Variants in TUBGCP6 observed in about 807,000 individuals in gnomAD.
TUBGCP6 encodes gamma-tubulin complex component 6.
TUBGCP6 carries 161 observed loss-of-function variants against 175.8 expected under a neutral mutation model. The observed-to-expected ratio is 0.92, with a 90% CI of 0.81 to 1.04. TUBGCP6 has a LOEUF of 1.04. Ranked by LOEUF, TUBGCP6 falls within the 50% of genes least tolerant of loss-of-function variation. The pLI is 0.00. For missense variants in TUBGCP6, 2,572 were observed against 2,433.0 expected (o/e 1.06, Z -1.20); for synonymous variants, 1,173 against 1,030.5 (o/e 1.14, Z -2.65).
rs34718948 is a variant in TUBGCP6, at chr22:50,240,272, G to A, written c.837C>T (p.Asp279=). The A allele has an allele frequency of 7.1e-4, 1,148 of 1,613,996 alleles. 10 individuals carry two copies. The African/African-American group carries it at 0.014, about 19-fold the overall frequency. The part of the protein sequence containing the change: ...DSQSEPSVTP[D]VDLWEAALTY... ...TAAGTGCGGCTTCCCACAGGTCCAC[G>A]TCTGGGGTCACGCTGGGCTCAGACT... is the stretch of plus-strand genomic sequence containing the variant. Residue 279 remains aspartate (D), a synonymous_variant, in exon 2 of 25, where the codon GAC becomes GAT. Coordinates refer to ENST00000248846, the MANE Select transcript of TUBGCP6 (RefSeq NM_020461.4).
rs778198550 is a variant in TUBGCP6, at chr22:50,218,762, G to A, written c.4762C>T (p.Pro1588Ser). The A allele has an allele frequency of 4.3e-6, 7 of 1,613,958 alleles. No homozygotes were observed. The highest frequency in any genetic ancestry group is 5.9e-6 in the Non-Finnish European group (7 of 1,180,008). Residue 1588 changes from proline to serine, a missense_variant, in exon 21 of 25, where the codon CCC becomes TCC. Pro to Ser is a moderately conservative substitution (Grantham distance 74, BLOSUM62 -1). Coordinates refer to ENST00000248846, the MANE Select transcript of TUBGCP6 (RefSeq NM_020461.4). ...GGGGCGTTGGGGGCAAACACCTCGG[G>A]CAGGTACTTGAGAGCGAGGGAGAGG... Reference protein sequence around the residue: ...SNLSLALKYLPEVFAPNAPDV... With the variant: ...SNLSLALKYLSEVFAPNAPDV...
At position 50,229,575 on chromosome 22, in the gene TUBGCP6, C is replaced by T. The variant is rs144698883; in HGVS notation, c.1119G>A (p.Pro373=). 42 of 1,587,870 alleles carry T rather than the reference C, an allele frequency of 2.6e-5. No individual in the cohort carries two copies. In the African/African-American group the frequency reaches 4.6e-4, roughly 17 times the overall value. ...CCCGCTTCACCACAAAGGCCTGGGC[C>T]GGCTGCACAGGGGCAGAGGACACTG... ...VVSATFSLCQ[P]AQAFVVKRGV... The change falls in exon 4 of 25, where the codon CCG becomes CCA. Residue 373 remains proline, a splice_region_variant and synonymous_variant. Coordinates refer to ENST00000248846, the MANE Select transcript of TUBGCP6 (RefSeq NM_020461.4).
intron 1 of TUBGCP6, among the ~76,000 whole-genome samples, chr22:50,243,085 C>T (rs978028013): frequency 7.1e-4 from 108 of 152,242 alleles, no homozygotes; most frequent in African/African-American, 2.5e-3. Context: ...GAGGCCGAGA[C>T]GGGTGGATCA....
At chr22:50,243,315 G>T (rs1030939786) in intron 1 of TUBGCP6, among the ~76,000 whole-genome samples, 1 of 152,108 alleles carries the variant, frequency 6.6e-6, no homozygotes, top group Non-Finnish European at 1.5e-5. Context: ...GGGCGTGGTG[G>T]CATGCACCTA....
At chr22:50,235,570 G>C (rs944687385) in intron 2 of TUBGCP6, among the ~76,000 whole-genome samples, 1 of 152,258 alleles carries the variant, frequency 6.6e-6, no homozygotes, top group Admixed American at 6.5e-5. Context: ...AGGACGCCAA[G>C]TGGAGTAAAA....
At chr22:50,222,360 C>G (rs2064541475) in intron 14 of TUBGCP6, 94 bp downstream of exon 14, 5 of 1,555,668 alleles carry the variant, frequency 3.2e-6, no homozygotes, top group Non-Finnish European at 4.4e-6. Context: ...CCAGCCCTCT[C>G]CTAGAAGAGC....
At position 50,221,837 on chromosome 22, in the gene TUBGCP6, TGGCCTCCCTCTGGGTGCTCAG is replaced by T; in HGVS notation, c.2501_2521del (p.Pro834_Gly840del). 6.6e-7 allele frequency: 1 copy of T among 1,512,046 alleles called. No homozygotes were observed. Among genetic ancestry groups the T allele is most frequent in the Admixed American group, 2.2e-5 (1 of 44,718 alleles). The allele number at this position is 1,512,046 out of a possible 1,614,324, so 93.7% of individuals were successfully genotyped here. A position where few individuals can be genotyped will look rare whatever the true frequency, so the allele number is the denominator to read the frequency against. On this transcript the variant is annotated inframe_deletion, in exon 16 of 25. Transcript: ENST00000248846. ...CTCTGCAGACCCAGAATCACAGCCT[TGGCCTCCCTCTGGGTGCTCAG>T]GGCCCGGAGACGTGACCTGAAACAC...
chr22:50,225,683 A>G (rs2064596497), intron 10 of TUBGCP6, 111 bp downstream of exon 10: 1 of 1,398,474 alleles, frequency 7.2e-7, no homozygotes. Context: ...AGAAAATGCC[A>G]GAAGGGAGGC....
chr22:50,227,889 C>A lies in TUBGCP6; in HGVS notation c.1412+18G>T. ...GCTCCCGCAAAGTCCCCTGCTCAGCCGCCATGCTGAGGCTCACCTGAGCTG... is the reference window on the plus strand; with the variant it reads ...GCTCCCGCAAAGTCCCCTGCTCAGCAGCCATGCTGAGGCTCACCTGAGCTG... On this transcript the variant is annotated intron_variant, in intron 5 of 24. Coordinates refer to ENST00000248846, the MANE Select transcript of TUBGCP6 (RefSeq NM_020461.4). The A allele has an allele frequency of 6.4e-7, 1 of 1,569,674 alleles. No individual in the cohort carries two copies. The highest frequency in any genetic ancestry group is 8.6e-7 in the Non-Finnish European group (1 of 1,157,480).
In TUBGCP6 at chr22:50,222,492, G is replaced by A. The variant is rs369949538; in HGVS notation, c.2371C>T (p.Arg791Trp). Residue 791 changes from arginine to tryptophan, a missense_variant, in exon 14 of 25, where the codon CGG becomes TGG. Transcript: ENST00000248846. ...RIQRHRLESARLRFLLEDEKH... is the reference protein window; with the variant it reads ...RIQRHRLESAWLRFLLEDEKH... The stretch of plus-strand genomic sequence containing the variant: ...TCATCTTCTAAGAGAAAACGAAGCC[G>A]TGCACTCTCCAGTCGGTGCCTCTGG... 17 of 1,613,706 alleles carry A rather than the reference G, an allele frequency of 1.1e-5. No individual in the cohort carries two copies. The highest frequency in any genetic ancestry group is 8.8e-5 in the South Asian group (8 of 91,086).
intron 19 of TUBGCP6, 22 bp downstream of exon 19, chr22:50,219,266 G>C: frequency 6.2e-7 from 1 of 1,610,042 alleles, no homozygotes; most frequent in Non-Finnish European, 8.5e-7. Flanking sequence ...GGGCAGACTG[G>C]CGCAGGGGCA....
rs2064494130 is a variant in TUBGCP6, at chr22:50,220,267, A to G, written c.4092T>C (p.Ser1364=). The G allele has an allele frequency of 1.3e-6, 2 of 1,560,608 alleles. No individual in the cohort carries two copies. Among genetic ancestry groups the G allele is most frequent in the Non-Finnish European group, 1.7e-6 (2 of 1,149,092 alleles). ...TACTCTGACCTAGTTCTTCAGAGAC[A>G]CTGTCTCCCGGGGTGTTGGGCCACC... The part of the protein sequence containing the change: ...QPWWPNTPGD[S]VSEELGPGRS... The change falls in exon 16 of 25, where the codon AGT becomes AGC. Residue 1364 remains serine (S), a synonymous_variant. Coordinates refer to ENST00000248846, the MANE Select transcript of TUBGCP6 (RefSeq NM_020461.4).
chr22:50,226,472 A>C, intron 7 of TUBGCP6, 94 bp from the exon 8 acceptor site: 1 of 1,164,434 alleles, frequency 8.6e-7, no homozygotes, highest in Admixed American at 2.1e-5. Flanking sequence ...CGTGGCTGTC[A>C]GTGAGGGGCA....
intron 1 of TUBGCP6, 139 bp downstream of exon 1, chr22:50,243,580 T>A: frequency 1.2e-6 from 1 of 854,426 alleles, no homozygotes; most frequent in Non-Finnish European, 1.7e-6. Context: ...ATCGCGCCAC[T>A]GCACTCCAGC....
In TUBGCP6 at chr22:50,229,616, C is replaced by T. The variant is rs771576780; in HGVS notation, c.1117-39G>A. On this transcript the variant is annotated intron_variant, in intron 3 of 24. Transcript: ENST00000248846. ...GAGGACACTGGTCACAGAGGCCAGG[C>T]ACCCAGACCCCCAGTAAGGTGCCGT... 1.9e-6 allele frequency: 3 copies of T among 1,545,036 alleles called. No individual in the cohort carries two copies. In the South Asian group the frequency reaches 3.6e-5, roughly 18 times the overall value.
chr22:50,220,556 G>A lies in TUBGCP6; in HGVS notation c.3803C>T (p.Thr1268Ile). 3 of 1,613,576 alleles carry A rather than the reference G, an allele frequency of 1.9e-6. 1 individual carries two copies. The South Asian group carries it at 3.3e-5, about 18-fold the overall frequency. ...DVVSTRPRWNTHVPIPPPHMV... is the reference protein window; with the variant it reads ...DVVSTRPRWNIHVPIPPPHMV... ...GTGGGGCGGAGGGATGGGTACATGG[G>A]TGTTCCACCGTGGCCGGGTGGAAAC... The change falls in exon 16 of 25, where the codon ACC becomes ATC. Residue 1268 changes from threonine to isoleucine, a missense_variant. By Grantham distance (89) the Thr-to-Ile change is moderately conservative. Coordinates refer to ENST00000248846, the MANE Select transcript of TUBGCP6 (RefSeq NM_020461.4).
In TUBGCP6 at chr22:50,227,068, G is replaced by T. The variant is rs780853086; in HGVS notation, c.1422C>A (p.Ala474=). ...GCACAGCGCCAACGCCACAGAGCTC[G>T]GCCAGGTACCTAGACCCAGAGGCAG... ...KKLGRQLRYL[A]ELCGVGAVLP... The change falls in exon 6 of 25, where the codon GCC becomes GCA. Residue 474 remains alanine (A), a synonymous_variant. Coordinates refer to ENST00000248846, the MANE Select transcript of TUBGCP6 (RefSeq NM_020461.4). 1.2e-6 allele frequency: 2 copies of T among 1,611,142 alleles called. No homozygotes were observed. Among genetic ancestry groups the T allele is most frequent in the Admixed American group, 3.3e-5 (2 of 59,708 alleles).
intron 2 of TUBGCP6, among the ~76,000 whole-genome samples, chr22:50,239,757 C>A (rs895187693): frequency 6.6e-6 from 1 of 152,222 alleles, no homozygotes; most frequent in African/African-American, 2.4e-5. Context: ...ATGGAAAAGG[C>A]TCCTTCATCA....
intron 2 of TUBGCP6, among the ~76,000 whole-genome samples, chr22:50,234,999 C>G (rs572880925): frequency 7.4e-5 from 11 of 149,586 alleles, no homozygotes; most frequent in African/African-American, 2.5e-4. Context: ...ATCATCCACA[C>G]CCCTATCCAC....
Sources: gnomAD v4.1 joint callset for allele counts (sites outside exome capture counted in the v4.1 genomes callset) on GRCh38, gnomAD v4.1.1 for gene constraint, MANE v1.5 for transcripts, NCBI Gene and HGNC (gene_info 2026-07-23, HGNC 2026-07-21) for gene names.